Variants in SKP2 observed in about 807,000 individuals in gnomAD.
The protein encoded by SKP2 is S-phase kinase associated protein 2, also known as S-phase kinase-associated protein 2.
In SKP2, 16 loss-of-function variants were observed where a neutral mutation model predicts 51.8. The ratio of observed to expected loss-of-function variants is 0.31; its 90% CI spans 0.21 to 0.47. The LOEUF (loss-of-function observed/expected upper bound fraction) is 0.47, where lower values mean the gene tolerates loss of function less well. SKP2 is among the 20% of genes least tolerant of loss of function. The pLI is 1.00. For missense variants in SKP2, 377 were observed against 505.3 expected, an observed-to-expected ratio of 0.75 and a Z score of 2.43; for synonymous variants, 176 against 198.6, an observed-to-expected ratio of 0.89 and a Z score of 0.96.
intron 3 of SKP2, among the ~76,000 whole-genome samples, chr5:36,165,381 A>G (rs1745251361): frequency 6.6e-6 from 1 of 152,198 alleles, no homozygotes; most frequent in Non-Finnish European, 1.5e-5. Context: ...TAAAAAATGT[A>G]TATTATTTGG....
chr5:36,169,360 G>T (rs758566722), intron 5 of SKP2, among the ~76,000 whole-genome samples: 6 of 152,010 alleles, frequency 3.9e-5, no homozygotes, highest in Non-Finnish European at 7.4e-5. Flanking sequence ...CAGGAGAATC[G>T]CTTGAACCCG....
At chr5:36,190,177 C>T (rs188881584) in intron 6 of SKP2, among the ~76,000 whole-genome samples, 175 of 152,218 alleles carry the variant, frequency 1.1e-3, no homozygotes, top group African/African-American at 3.9e-3. Flanking sequence ...CCAGGTGAGG[C>T]GATGCCTCAC....
intron 2 of SKP2, among the ~76,000 whole-genome samples, chr5:36,159,670 C>G (rs1361387808): frequency 1.3e-5 from 2 of 152,158 alleles, no homozygotes; most frequent in Non-Finnish European, 2.9e-5. Flanking sequence ...ACTGGAGTCC[C>G]CAGAAGATTT....
chr5:36,186,940 A>G (rs913883551), downstream of SKP2, among the ~76,000 whole-genome samples: 1 of 152,166 alleles, frequency 6.6e-6, no homozygotes, highest in African/African-American at 2.4e-5. Flanking sequence ...TGGTCTATTC[A>G]GGGATTCAAG....
intron 6 of SKP2, among the ~76,000 whole-genome samples, chr5:36,190,704 A>G (rs1184827625): frequency 7.0e-6 from 1 of 142,464 alleles, no homozygotes; most frequent in Non-Finnish European, 1.6e-5. Flanking sequence ...AAAAAAAAAA[A>G]AAGAATATGA....
chr5:36,169,010 G>A (rs1446359795), intron 5 of SKP2, among the ~76,000 whole-genome samples: 1 of 152,180 alleles, frequency 6.6e-6, no homozygotes, highest in Non-Finnish European at 1.5e-5. Flanking sequence ...TTCCTGTGTG[G>A]TTCTAAACTC....
At position 36,176,990 on chromosome 5, in the gene SKP2, C is replaced by T. The variant is rs147641388; in HGVS notation, c.927C>T (p.Cys309=). ...KSDLSTLVRR[C]PNLVHLDLSD... The stretch of plus-strand genomic sequence containing the variant: ...ATCTCTCTACTTTAGTTAGAAGATG[C>T]CCCAATCTTGTCCATCTAGACTTAA... Residue 309 remains cysteine (C), a synonymous_variant, in exon 8 of 10, where the codon TGC becomes TGT. Transcript: ENST00000274255. 1.3e-5 allele frequency: 21 copies of T among 1,598,218 alleles called. No homozygotes were observed. In the Admixed American group the frequency reaches 2.0e-4, roughly 15 times the overall value.
chr5:36,173,048 CTG>C (rs1745523432), intron 7 of SKP2, among the ~76,000 whole-genome samples: 2 of 150,836 alleles, frequency 1.3e-5, no homozygotes, highest in Non-Finnish European at 2.9e-5. Context: ...TGTACAAAAA[CTG>C]TTTTTTTTTT....
chr5:36,163,905 C>A, intron 3 of SKP2, 149 bp downstream of exon 3: 1 of 612,864 alleles, frequency 1.6e-6, no homozygotes, highest in South Asian at 2.0e-5. Flanking sequence ...TAATCAGTGT[C>A]CTCATTTCAC....
chr5:36,172,754 T>C (rs963119584), intron 7 of SKP2, among the ~76,000 whole-genome samples: 5 of 152,188 alleles, frequency 3.3e-5, no homozygotes, highest in Non-Finnish European at 5.9e-5. Context: ...TAGGATCTCA[T>C]GAGTGGGTAG....
chr5:36,175,215 G>A (rs532520398), intron 7 of SKP2, among the ~76,000 whole-genome samples: 1 of 152,208 alleles, frequency 6.6e-6, no homozygotes, highest in South Asian at 2.1e-4. Context: ...GAGAAAAATA[G>A]TCCACTATGA....
At chr5:36,168,481 G>A (rs1745365475) in intron 5 of SKP2, 34 bp downstream of exon 5, 5 of 1,606,630 alleles carry the variant, frequency 3.1e-6, no homozygotes, top group Admixed American at 3.3e-5. Flanking sequence ...AAAGGCAGTT[G>A]ATTTTATGTG....
chr5:36,190,281 A>T (rs192211222), intron 6 of SKP2, among the ~76,000 whole-genome samples: 1 of 152,246 alleles, frequency 6.6e-6, no homozygotes, highest in African/African-American at 2.4e-5. Flanking sequence ...CCAGTTGGAA[A>T]TGCAGAAATC....
At position 36,182,703 on chromosome 5, in the gene SKP2, A is replaced by G. The variant is rs1056921178; in HGVS notation, c.*672A>G. On this transcript the variant is annotated 3_prime_UTR_variant, in exon 10 of 10. Coordinates refer to ENST00000274255, the MANE Select transcript of SKP2 (RefSeq NM_005983.4). ...TTGAAGGCCCAGCAGACAGTTTTCT[A>G]TGACAGGTTAATCTGAAGTATCCTG... 8 of 980,048 alleles carry G rather than the reference A, an allele frequency of 8.2e-6. No homozygotes were observed. In the South Asian group the frequency reaches 1.4e-4, roughly 17 times the overall value. The allele number at this position is 980,048 out of a possible 1,614,324, so 60.7% of individuals were successfully genotyped here. A position where few individuals can be genotyped will look rare whatever the true frequency, so the allele number is the denominator to read the frequency against.
intron 6 of SKP2, among the ~76,000 whole-genome samples, chr5:36,189,985 G>A (rs539673903): frequency 1.4e-4 from 22 of 152,316 alleles, no homozygotes; most frequent in South Asian, 4.1e-4. Flanking sequence ...TGCTAGCAGT[G>A]AGCGAGGCTC....
At chr5:36,171,873 A>C (rs1745487690) in intron 7 of SKP2, 140 bp downstream of exon 7, 1 of 791,662 alleles carries the variant, frequency 1.3e-6, no homozygotes, top group African/African-American at 1.7e-5. Context: ...CAGATGAGGT[A>C]GCTGCTAATC....
chr5:36,180,646 A>G (rs1162525427), intron 9 of SKP2, among the ~76,000 whole-genome samples: 1 of 152,214 alleles, frequency 6.6e-6, no homozygotes, highest in Non-Finnish European at 1.5e-5. Flanking sequence ...TGGGTTCTGT[A>G]AACACAAGGG....
At chr5:36,161,349 T>C (rs921381792) in intron 2 of SKP2, among the ~76,000 whole-genome samples, 1 of 148,654 alleles carries the variant, frequency 6.7e-6, no homozygotes, top group African/African-American at 2.5e-5. Context: ...TCTAGAGAGA[T>C]GAGTAAGTAA....
Position 36,182,287 on chromosome 5 carries a change from T to C in SKP2, c.*256T>C. The stretch of plus-strand genomic sequence containing the variant: ...AATTTTAGGAGAGTGAGCCTATAAT[T>C]TCAAGATACCTTAAAGAGCAAAATT... On this transcript the variant is annotated 3_prime_UTR_variant, in exon 10 of 10. Transcript: ENST00000274255. The C allele has an allele frequency of 8.1e-7, 1 of 1,230,258 alleles. No individual in the cohort carries two copies. The highest frequency in any genetic ancestry group is 1.0e-6 in the Non-Finnish European group (1 of 982,858). 76.2% of individuals were successfully genotyped at this position (1,230,258 alleles called of 1,614,324 possible).
Sources: gnomAD v4.1 joint callset for allele counts (sites outside exome capture counted in the v4.1 genomes callset) on GRCh38, gnomAD v4.1.1 for gene constraint, MANE v1.5 for transcripts, NCBI Gene and HGNC (gene_info 2026-07-23, HGNC 2026-07-21) for gene names.